Variants in PCCA observed in about 807,000 individuals in gnomAD.
PCCA encodes the protein propionyl-CoA carboxylase subunit alpha, also known as propionyl-CoA carboxylase alpha chain, mitochondrial.
In PCCA, 74 loss-of-function variants were observed where a neutral mutation model predicts 101.3. That is an observed-to-expected ratio of 0.73 (90% CI 0.61 to 0.89). The LOEUF is 0.89. PCCA is among the 40% of genes least tolerant of loss of function. PCCA has a pLI of 0.00. For missense variants in PCCA, 891 were observed against 907.0 expected, an observed-to-expected ratio of 0.98 and a Z score of 0.23; for synonymous variants, 294 against 313.6, an observed-to-expected ratio of 0.94 and a Z score of 0.66.
chr13:100,324,059 A>G (rs188662857), intron 16 of PCCA, among the ~76,000 whole-genome samples: 2 of 152,328 alleles, frequency 1.3e-5, no homozygotes, highest in African/African-American at 2.4e-5. Flanking sequence ...TTAGAACCAT[A>G]CAAGAGTGGA....
chr13:100,468,505 C>G (rs1013010225), intron 21 of PCCA, among the ~76,000 whole-genome samples: 1 of 152,254 alleles, frequency 6.6e-6, no homozygotes, highest in African/African-American at 2.4e-5. Flanking sequence ...TTCTGCGTGA[C>G]TTACTGCAGC....
intron 21 of PCCA, among the ~76,000 whole-genome samples, chr13:100,459,295 G>T (rs965291335): frequency 2.0e-5 from 3 of 152,140 alleles, no homozygotes; most frequent in African/African-American, 7.2e-5. Flanking sequence ...TATGAATTTT[G>T]GGATGACACT....
In PCCA at chr13:100,164,107, A is replaced by G. The variant is rs139834663; in HGVS notation, c.468+6767A>G. On this transcript the variant is annotated intron_variant, in intron 6 of 23. Transcript: ENST00000376285. ...AAAATGTTATAATTTTGTTATAAAC[A>G]TGTTGAGGTGAGTTAGGACATTTCT... is the stretch of plus-strand genomic sequence containing the variant. 1.6e-3 allele frequency among the ~76,000 whole-genome samples: 250 copies of G among 152,324 alleles called. 1 individual carries two copies. Among genetic ancestry groups the G allele is most frequent in the African/African-American group, 5.7e-3 (239 of 41,580 alleles).
At chr13:100,093,049 A>C (rs1190220065) in intron 1 of PCCA, among the ~76,000 whole-genome samples, 1 of 152,216 alleles carries the variant, frequency 6.6e-6, no homozygotes, top group Non-Finnish European at 1.5e-5. Context: ...TTTGATGAAG[A>C]GTGAGGGAAA....
rs192926394 is a variant in PCCA at position 100,379,084 on chromosome 13, G to A, written c.1746+10510G>A. ...TTTAGAATTTGTTTTCATAGGGGAA[G>A]ACTTTTTCCTGAAGATGTATCCATG... On this transcript the variant is annotated intron_variant, in intron 19 of 23. Coordinates refer to ENST00000376285, the MANE Select transcript of PCCA (RefSeq NM_000282.4). 2.5e-3 allele frequency among the ~76,000 whole-genome samples: 382 copies of A among 152,292 alleles called. 3 individuals are homozygous for A. The highest frequency in any genetic ancestry group is 4.2e-3 in the Non-Finnish European group (289 of 68,026).
At chr13:100,286,771 G>A (rs190759440) in intron 12 of PCCA, among the ~76,000 whole-genome samples, 9 of 150,738 alleles carry the variant, frequency 6.0e-5, no homozygotes, top group African/African-American at 2.2e-4. Flanking sequence ...TAATGTCTTG[G>A]CAGGATTAAC....
intron 16 of PCCA, among the ~76,000 whole-genome samples, chr13:100,323,983 G>C (rs888134305): frequency 4.6e-5 from 7 of 152,152 alleles, no homozygotes; most frequent in African/African-American, 1.7e-4. Context: ...TGGGGATTCT[G>C]TGAGACTTGA....
intron 21 of PCCA, among the ~76,000 whole-genome samples, chr13:100,501,366 C>T (rs1024193128): frequency 6.6e-6 from 1 of 152,142 alleles, no homozygotes; most frequent in Non-Finnish European, 1.5e-5. Flanking sequence ...CACCCTCCTC[C>T]CACCCCGTCA....
intron 21 of PCCA, chr13:100,491,747 G>A (rs983982242): frequency 3.7e-5 from 48 of 1,282,952 alleles, no homozygotes; most frequent in Admixed American, 5.0e-5. Context: ...GAAAGCTCTC[G>A]GTTTGTACAA....
chr13:100,153,219 T>C (rs1172487889), intron 4 of PCCA, among the ~76,000 whole-genome samples: 2 of 152,130 alleles, frequency 1.3e-5, no homozygotes, highest in Non-Finnish European at 2.9e-5. Flanking sequence ...CTAGGGGAGA[T>C]TAAAAAAAGA....
intron 19 of PCCA, among the ~76,000 whole-genome samples, chr13:100,404,992 G>A (rs760033086): frequency 8.6e-5 from 13 of 151,986 alleles, no homozygotes; most frequent in Non-Finnish European, 1.9e-4. Flanking sequence ...GAATTGAGTC[G>A]GGAACACAAA....
At chr13:100,091,455 T>C (rs2046273392) in intron 1 of PCCA, among the ~76,000 whole-genome samples, 1 of 152,232 alleles carries the variant, frequency 6.6e-6, no homozygotes, top group African/African-American at 2.4e-5. Flanking sequence ...TTTGTGCCGG[T>C]AAAGAATTCC....
intron 8 of PCCA, among the ~76,000 whole-genome samples, chr13:100,253,028 A>G (rs2061854878): frequency 6.6e-6 from 1 of 152,144 alleles, no homozygotes. Flanking sequence ...TTAGGTTCTC[A>G]GTTTAAATAC....
chr13:100,313,156 T>C (rs992455676), intron 16 of PCCA, among the ~76,000 whole-genome samples: 1 of 152,158 alleles, frequency 6.6e-6, no homozygotes, highest in Non-Finnish European at 1.5e-5. Flanking sequence ...CCTCCCTCCA[T>C]TCTCTTCTCT....
At position 100,302,567 on chromosome 13, in the gene PCCA, A is replaced by T. The variant is rs115750419; in HGVS notation, c.1210-357A>T. Among the ~76,000 whole-genome samples, 1,077 of 152,258 alleles carry T rather than the reference A, an allele frequency of 7.1e-3. 15 individuals carry two copies. The highest frequency in any genetic ancestry group is 0.017 in the African/African-American group (701 of 41,564). ...CTGTTTTGAGAAGTAAGAAAAACAA[A>T]TATCTTTAGTATACCACATTTGTTG... is the stretch of plus-strand genomic sequence containing the variant. On this transcript the variant is annotated intron_variant, in intron 13 of 23. Transcript: ENST00000376285.
At chr13:100,458,379 C>CACACACACACACACGCACAT (rs1555303333) in intron 21 of PCCA, among the ~76,000 whole-genome samples, 2 of 147,778 alleles carry the variant, frequency 1.4e-5, no homozygotes, top group African/African-American at 5.0e-5. Flanking sequence ...CACACACACA[C>CACACACACACACACGCACAT]ACACACACGC....
intron 16 of PCCA, among the ~76,000 whole-genome samples, chr13:100,328,371 T>TATTATAATA (rs1347723645): frequency 4.4e-4 from 62 of 141,874 alleles, no homozygotes; most frequent in African/African-American, 1.6e-3. Context: ...TCAAAAAATA[T>TATTATAATA]ATAATAATAA....
intron 4 of PCCA, among the ~76,000 whole-genome samples, chr13:100,133,323 A>G (rs1372984909): frequency 6.6e-6 from 1 of 152,178 alleles, no homozygotes; most frequent in Non-Finnish European, 1.5e-5. Flanking sequence ...TGATTGGCAA[A>G]TAGTTTCTTC....
chr13:100,213,073 C>CT (rs1315078475), intron 7 of PCCA, among the ~76,000 whole-genome samples: 1 of 152,140 alleles, frequency 6.6e-6, no homozygotes, highest in Non-Finnish European at 1.5e-5. Flanking sequence ...GGACCTCATT[C>CT]TTTTTGGTGG....
Sources: gnomAD v4.1 joint callset for allele counts (sites outside exome capture counted in the v4.1 genomes callset) on GRCh38, gnomAD v4.1.1 for gene constraint, MANE v1.5 for transcripts, NCBI Gene and HGNC (gene_info 2026-07-23, HGNC 2026-07-21) for gene names.